The following L3MBTL1 variants were observed in gnomAD, a reference collection of about 807,000 sequenced individuals.
L3MBTL1 encodes the protein L3MBTL histone methyl-lysine binding protein 1.
A neutral mutation model predicts 105.3 loss-of-function variants in L3MBTL1; 75 were observed. The observed-to-expected ratio is 0.71, with a 90% CI of 0.59 to 0.86. The LOEUF (loss-of-function observed/expected upper bound fraction) is 0.86, where lower values mean the gene tolerates loss of function less well. L3MBTL1 is among the 40% of genes least tolerant of loss of function. The pLI, the probability that L3MBTL1 is intolerant of heterozygous loss-of-function variation, is 0.00. For missense variants in L3MBTL1, 1,069 were observed against 1,126.4 expected (o/e 0.95, Z 0.73); for synonymous variants, 452 against 436.2 (o/e 1.04, Z -0.45).
intron 9 of L3MBTL1, 93 bp downstream of exon 9, chr20:43,529,461 C>T: frequency 1.2e-6 from 1 of 842,782 alleles, no homozygotes; most frequent in Non-Finnish European, 2.0e-6. Flanking sequence ...ACCTCCCTCC[C>T]CTCAGAGCAC....
At chr20:43,515,461 G>T in intron 6 of L3MBTL1, 46 bp downstream of exon 6, 4 of 1,532,958 alleles carry the variant, frequency 2.6e-6, no homozygotes, top group Non-Finnish European at 3.5e-6. Context: ...TATAGCCTAT[G>T]CCTCAATTCC....
chr20:43,510,395 TTTCTTTCTTTC>T (rs1163354585), intron 1 of L3MBTL1, among the ~76,000 whole-genome samples: 3 of 102,884 alleles, frequency 2.9e-5, no homozygotes, highest in Non-Finnish European at 5.7e-5. Flanking sequence ...ATTTTCTTTC[TTTCTTTCTTTC>T]TTTTTTTTTT....
rs934682279 is a variant in L3MBTL1 at position 43,548,233 on chromosome 20, C to A, written c.2247C>A (p.Asp749Glu). ...TTCTCATGTTCAAAAACGCTGATGACACCTTAAAGTGACTGGCCCAGGGCT... is the reference window on the plus strand; with the variant it reads ...TTCTCATGTTCAAAAACGCTGATGAAACCTTAAAGTGACTGGCCCAGGGCT... Residue 749 changes from aspartate (D) to glutamate (E), a missense_variant, in exon 19 of 19, where the codon GAC becomes GAA. By Grantham distance (45) the Asp-to-Glu change is conservative. Coordinates refer to the L3MBTL1 transcript ENST00000422861. 5 of 1,303,980 alleles carry A rather than the reference C, an allele frequency of 3.8e-6. No homozygotes were observed. The African/African-American group carries it at 7.6e-5, about 20-fold the overall frequency. The allele number at this position is 1,303,980 out of a possible 1,614,324, so 80.8% of individuals were successfully genotyped here.
chr20:43,519,502 G>A (rs540265348), intron 7 of L3MBTL1, among the ~76,000 whole-genome samples: 24 of 152,262 alleles, frequency 1.6e-4, no homozygotes, highest in African/African-American at 3.9e-4. Flanking sequence ...CAGGCATGGC[G>A]TCGCATGCCT....
chr20:43,513,934 G>T lies in L3MBTL1; in HGVS notation c.233G>T (p.Gly78Val). 6.5e-7 allele frequency: 1 copy of T among 1,550,234 alleles called. No individual in the cohort carries two copies. ...IHVGAPEQVA[G>V]CEPVSATVLP... Reference sequence around the variant, plus strand: ...GTGGGTGCCCCGGAGCAAGTGGCCGGCTGCGAACCAGTTTCTGCCACCGTC... The same window carrying T: ...GTGGGTGCCCCGGAGCAAGTGGCCGTCTGCGAACCAGTTTCTGCCACCGTC... Residue 78 changes from glycine to valine, a missense_variant, in exon 3 of 22, where the codon GGC becomes GTC. Transcript: ENST00000418998.
At chr20:43,548,091 T>C (rs1170356765) in intron 18 of L3MBTL1, 2 of 1,271,876 alleles carry the variant, frequency 1.6e-6, no homozygotes, top group Non-Finnish European at 2.0e-6. Context: ...ACTTTCCACC[T>C]CCCTCCCGCA....
At chr20:43,523,472 C>A in intron 7 of L3MBTL1, 1 of 246,790 alleles carries the variant, frequency 4.1e-6, no homozygotes. Flanking sequence ...AGCATTCTAC[C>A]TGCTTTTGCA....
At chr20:43,535,809 G>A (rs1258074729) in intron 16 of L3MBTL1, 28 bp from the exon 17 acceptor site, 1 of 1,480,878 alleles carries the variant, frequency 6.8e-7, no homozygotes, top group Non-Finnish European at 9.2e-7. Flanking sequence ...AGGACTCCAT[G>A]AGGACCGCCT....
intron 10 of L3MBTL1, 25 bp from the exon 11 acceptor site, chr20:43,530,773 T>C (rs1377346359): frequency 6.2e-7 from 1 of 1,609,726 alleles, no homozygotes; most frequent in Non-Finnish European, 8.5e-7. Context: ...CACGGCGCTC[T>C]GTTCATGCCC....
chr20:43,515,316 A>G lies in L3MBTL1; in HGVS notation c.678A>G (p.Ser226=), dbSNP rs1358931830. The part of the protein sequence containing the change: ...QERSVIVENS[S]GSTSASELLK... ...GGTCAGTCATAGTGGAGAACTCCTC[A>G]GGCTCTACCAGCGCTTCTGAGCTCC... The change falls in exon 6 of 22, where the codon TCA becomes TCG. Residue 226 remains serine, a synonymous_variant. Coordinates refer to ENST00000418998, the MANE Select transcript of L3MBTL1 (RefSeq NM_001377303.1). 13 of 1,597,178 alleles carry G rather than the reference A, an allele frequency of 8.1e-6. No individual in the cohort carries two copies. Among genetic ancestry groups the G allele is most frequent in the Non-Finnish European group, 1.1e-5 (13 of 1,170,910 alleles).
intron 1 of L3MBTL1, among the ~76,000 whole-genome samples, chr20:43,512,457 C>T (rs1391092707): frequency 2.6e-5 from 4 of 152,202 alleles, no homozygotes; most frequent in South Asian, 2.1e-4. Flanking sequence ...GCCATCCTCC[C>T]GTGTCAGTCT....
intron 7 of L3MBTL1, among the ~76,000 whole-genome samples, chr20:43,519,518 C>T (rs2018595382): frequency 2.0e-5 from 3 of 152,154 alleles, no homozygotes; most frequent in Non-Finnish European, 1.5e-5. Context: ...TGCCTATAAT[C>T]CCAGCTACTT....
rs1052192008 is a variant in L3MBTL1, at chr20:43,513,403, C to T, written c.-28-73C>T. Reference sequence around the variant, plus strand: ...GGCTAGCTTCTCAAAGAAGCCCCATCCCTTCACATCTCCATTGCTGCTGTA... The same window carrying T: ...GGCTAGCTTCTCAAAGAAGCCCCATTCCTTCACATCTCCATTGCTGCTGTA... On this transcript the variant is annotated intron_variant, in intron 1 of 21. Coordinates refer to ENST00000418998, the MANE Select transcript of L3MBTL1 (RefSeq NM_001377303.1). The T allele has an allele frequency of 7.7e-6, 11 of 1,426,366 alleles. No individual in the cohort carries two copies. The African/African-American group carries it at 1.3e-4, about 17-fold the overall frequency. 88.4% of individuals were successfully genotyped at this position (1,426,366 alleles called of 1,614,324 possible). A position where few individuals can be genotyped will look rare whatever the true frequency, so the allele number is the denominator to read the frequency against.
chr20:43,541,361 T>A lies in L3MBTL1; in HGVS notation c.*233T>A. 1 of 724,656 alleles carries A rather than the reference T, an allele frequency of 1.4e-6. No homozygotes were observed. Among genetic ancestry groups the A allele is most frequent in the South Asian group, 2.1e-5 (1 of 48,000 alleles). 44.9% of individuals were successfully genotyped at this position (724,656 alleles called of 1,614,324 possible). On this transcript the variant is annotated 3_prime_UTR_variant, in exon 22 of 22. Transcript: ENST00000418998. ...CTCTGAGCCTACATCTTCTTGTCTG[T>A]AAAATGGAGATAAAATGGGTTTAAT...
In L3MBTL1 at chr20:43,529,303, G is replaced by A. The variant is rs1298204321; in HGVS notation, c.991G>A (p.Gly331Ser). ...TCACAACAAGAATGGCTTCAAACTG[G>A]GCATGAAGTTGGAAGGCATTGACCC... ...VTHNKNGFKL[G>S]MKLEGIDPQH... The change falls in exon 9 of 22, where the codon GGC (glycine) becomes AGC (serine). Residue 331 changes from glycine (G) to serine (S), a missense_variant. By Grantham distance (56) the Gly-to-Ser change is moderately conservative. Coordinates refer to ENST00000418998, the MANE Select transcript of L3MBTL1 (RefSeq NM_001377303.1). The A allele has an allele frequency of 6.2e-7, 1 of 1,613,186 alleles. No homozygotes were observed. Among genetic ancestry groups the A allele is most frequent in the African/African-American group, 1.3e-5 (1 of 75,026 alleles).
chr20:43,547,369 G>C (rs1951993444), intron 18 of L3MBTL1, among the ~76,000 whole-genome samples: 1 of 152,166 alleles, frequency 6.6e-6, no homozygotes, highest in Non-Finnish European at 1.5e-5. Flanking sequence ...CTCCCAAAGT[G>C]CTGGGATTAC....
Position 43,536,266 on chromosome 20 carries a change from C to T in L3MBTL1, c.2095C>T (p.Pro699Ser), listed in dbSNP as rs200928423. Reference protein sequence around the residue: ...ARKKNLSGFSPRKKPRHHGRI... With the variant: ...ARKKNLSGFSSRKKPRHHGRI... ...CAAGAAGAACCTCTCAGGCTTCTCCCCAAGGAAGAAGCCTCGCCATCACGG... is the reference window on the plus strand; with the variant it reads ...CAAGAAGAACCTCTCAGGCTTCTCCTCAAGGAAGAAGCCTCGCCATCACGG... The change falls in exon 18 of 22, where the codon CCA becomes TCA. Residue 699 changes from proline to serine, a missense_variant. Pro to Ser is a moderately conservative substitution (Grantham distance 74). Transcript: ENST00000418998. The T allele has an allele frequency of 1.0e-4, 165 of 1,612,290 alleles. 1 individual carries two copies. Among genetic ancestry groups the T allele is most frequent in the Non-Finnish European group, 8.5e-6 (10 of 1,179,478 alleles).
chr20:43,540,765 G>A lies in L3MBTL1; in HGVS notation c.2344G>A (p.Val782Ile), dbSNP rs1289392943. The part of the protein sequence containing the change: ...KWTIDEVFGF[V>I]QTLTGCEDQA... ...TTTGGTTTCCAAGGTCTTCGGCTTT[G>A]TTCAGACCCTGACAGGTTGTGAGGA... The change falls in exon 21 of 22, where the codon GTT (valine) becomes ATT (isoleucine). Residue 782 changes from valine (V) to isoleucine (I), a missense_variant. Transcript: ENST00000418998. 2 of 1,614,176 alleles carry A rather than the reference G, an allele frequency of 1.2e-6. No individual in the cohort carries two copies. The highest frequency in any genetic ancestry group is 2.2e-5 in the South Asian group (2 of 91,076).
chr20:43,534,024 T>A lies in L3MBTL1; in HGVS notation c.1530T>A (p.Asp510Glu). The A allele has an allele frequency of 1.2e-6, 2 of 1,614,044 alleles. No individual in the cohort carries two copies. The highest frequency in any genetic ancestry group is 1.7e-5 in the Admixed American group (1 of 60,024). Residue 510 changes from aspartate to glutamate, a missense_variant, in exon 14 of 22, where the codon GAT becomes GAA. Coordinates refer to ENST00000418998, the MANE Select transcript of L3MBTL1 (RefSeq NM_001377303.1). Reference protein sequence around the residue: ...LTPPQDYPDPDNFCWEKYLEE... With the variant: ...LTPPQDYPDPENFCWEKYLEE... ...CTCCTCCAGACTACCCAGACCCTGATAACTTCTGTTGGGAGAAATATCTGG... is the reference window on the plus strand; with the variant it reads ...CTCCTCCAGACTACCCAGACCCTGAAAACTTCTGTTGGGAGAAATATCTGG...
Sources: gnomAD v4.1 joint callset for allele counts (sites outside exome capture counted in the v4.1 genomes callset) on GRCh38, gnomAD v4.1.1 for gene constraint, MANE v1.5 for transcripts, NCBI Gene and HGNC (gene_info 2026-07-23, HGNC 2026-07-21) for gene names.